CDK6: variants seen among roughly 807,000 people sequenced by gnomAD.
The protein encoded by CDK6 is cyclin dependent kinase 6, also known as cyclin-dependent kinase 6.
A neutral mutation model predicts 37.1 loss-of-function variants in CDK6; 6 were observed. The observed-to-expected ratio is 0.16, with a 90% CI of 0.09 to 0.32. The LOEUF is 0.32. Among genes scored for constraint, CDK6 ranks in the 10% least tolerant of loss-of-function variants. The pLI is 1.00. For synonymous variants in CDK6, 160 were observed against 161.3 expected (o/e 0.99, Z 0.06); for missense variants, 224 against 418.9 (o/e 0.53, Z 4.06).
intron 4 of CDK6, among the ~76,000 whole-genome samples, chr7:92,689,901 G>A (rs186036969): frequency 7.9e-5 from 12 of 152,018 alleles, no homozygotes; most frequent in Admixed American, 3.3e-4. Flanking sequence ...GCTTTTTTTC[G>A]TGATTGTTGG....
intron 3 of CDK6, among the ~76,000 whole-genome samples, chr7:92,738,668 A>G (rs1423683278): frequency 6.6e-6 from 1 of 152,138 alleles, no homozygotes; most frequent in Non-Finnish European, 1.5e-5. Flanking sequence ...TGGTATTACA[A>G]TAGGAATTGC....
Position 92,608,230 on chromosome 7 carries a change from T to C in CDK6, c.*6910A>G, listed in dbSNP as rs1022298079. ...ATGCCCCCTTTGAGAAAAACCTACA[T>C]TTGACAATCCAAACTCCTAAAATTG... is the stretch of plus-strand genomic sequence containing the variant. On this transcript the variant is annotated 3_prime_UTR_variant, in exon 8 of 8. Coordinates refer to ENST00000424848, the MANE Select transcript of CDK6 (RefSeq NM_001145306.2). The C allele has an allele frequency of 1.3e-5, 3 of 232,060 alleles. No homozygotes were observed. 14.4% of individuals were successfully genotyped at this position (232,060 alleles called of 1,614,324 possible).
In CDK6 at chr7:92,783,933, T is replaced by G. The variant is rs141152733; in HGVS notation, c.234-9102A>C. Among the ~76,000 whole-genome samples the G allele has an allele frequency of 2.6e-4, 39 of 152,278 alleles. No homozygotes were observed. The East Asian group carries it at 5.8e-3, about 23-fold the overall frequency. The stretch of plus-strand genomic sequence containing the variant: ...AAATAATAGAATTCAGCTTCTTCCA[T>G]AGTCCTACATACAGCAAGCACTACA... On this transcript the variant is annotated intron_variant, in intron 2 of 7. Transcript: ENST00000424848.
chr7:92,772,915 T>C (rs1307984913), intron 3 of CDK6, among the ~76,000 whole-genome samples: 4 of 152,178 alleles, frequency 2.6e-5, no homozygotes, highest in African/African-American at 9.7e-5. Context: ...TAATGTAAGA[T>C]ATAAAATATA....
rs1795419046 is a variant in CDK6 at position 92,606,001 on chromosome 7, CA to C, written c.*9138del. The C allele has an allele frequency of 4.3e-6, 1 of 233,532 alleles. No individual in the cohort carries two copies. Among genetic ancestry groups the C allele is most frequent in the Non-Finnish European group, 8.5e-6 (1 of 117,978 alleles). 14.5% of individuals were successfully genotyped at this position (233,532 alleles called of 1,614,324 possible). A position where few individuals can be genotyped will look rare whatever the true frequency, so the allele number is the denominator to read the frequency against. ...CTTGGGTCTGCAGAACTCAAAGCACCAAAACAGAGCATTCTGTAGCAATATA... is the reference window on the plus strand; with the variant it reads ...CTTGGGTCTGCAGAACTCAAAGCACCAAACAGAGCATTCTGTAGCAATATA... On this transcript the variant is annotated 3_prime_UTR_variant, in exon 8 of 8. Coordinates refer to ENST00000424848, the MANE Select transcript of CDK6 (RefSeq NM_001145306.2).
intron 4 of CDK6, among the ~76,000 whole-genome samples, chr7:92,720,071 A>G (rs554813264): frequency 1.2e-3 from 176 of 152,346 alleles, no homozygotes; most frequent in African/African-American, 4.1e-3. Flanking sequence ...ACAATGTGGC[A>G]AAAGTTTTAT....
intron 2 of CDK6, among the ~76,000 whole-genome samples, chr7:92,787,185 CAAAAAA>C (rs761038672): frequency 1.4e-4 from 5 of 35,464 alleles, no homozygotes; most frequent in Admixed American, 9.5e-4. Flanking sequence ...GACTCCATCA[CAAAAAA>C]AAAAAAAAAA....
intron 3 of CDK6, among the ~76,000 whole-genome samples, chr7:92,746,491 A>C (rs1799062541): frequency 6.6e-6 from 1 of 152,234 alleles, no homozygotes; most frequent in African/African-American, 2.4e-5. Flanking sequence ...AAGTATAAAT[A>C]TTGTATAAAA....
chr7:92,644,920 G>T (rs1796408098), intron 5 of CDK6, among the ~76,000 whole-genome samples: 2 of 152,182 alleles, frequency 1.3e-5, no homozygotes, highest in South Asian at 4.1e-4. Context: ...GCCTGGCGCT[G>T]CACTGACAGT....
chr7:92,825,621 C>G (rs1801292263), intron 2 of CDK6, among the ~76,000 whole-genome samples: 1 of 152,124 alleles, frequency 6.6e-6, no homozygotes, highest in Non-Finnish European at 1.5e-5. Flanking sequence ...AGACAAGGCT[C>G]AAATGAAATT....
At chr7:92,822,056 C>A (rs1801187013) in intron 2 of CDK6, among the ~76,000 whole-genome samples, 1 of 151,864 alleles carries the variant, frequency 6.6e-6, no homozygotes, top group Admixed American at 6.6e-5. Context: ...TAAAATATGA[C>A]TCTTTAGAAG....
intron 4 of CDK6, among the ~76,000 whole-genome samples, chr7:92,712,782 G>T (rs1328983693): frequency 6.6e-6 from 1 of 152,110 alleles, no homozygotes; most frequent in Non-Finnish European, 1.5e-5. Flanking sequence ...CATGACAGTG[G>T]ACAGTTTGGG....
At chr7:92,735,205 A>C (rs149346219) in intron 3 of CDK6, among the ~76,000 whole-genome samples, 146 of 152,352 alleles carry the variant, frequency 9.6e-4, no homozygotes, top group Non-Finnish European at 1.7e-3. Flanking sequence ...TCAGTTGATT[A>C]AGCAAGTTCC....
intron 5 of CDK6, among the ~76,000 whole-genome samples, chr7:92,663,985 C>A (rs1202444630): frequency 3.3e-5 from 5 of 151,682 alleles, no homozygotes; most frequent in African/African-American, 9.7e-5. Context: ...ACTAAAAATA[C>A]AAAAAATTAG....
intron 4 of CDK6, among the ~76,000 whole-genome samples, chr7:92,721,876 T>C (rs1287369960): frequency 6.6e-6 from 1 of 152,166 alleles, no homozygotes; most frequent in African/African-American, 2.4e-5. Context: ...GATCATAATA[T>C]AAAGGGTTAT....
chr7:92,678,349 A>G (rs958657627), intron 4 of CDK6, among the ~76,000 whole-genome samples: 1 of 152,328 alleles, frequency 6.6e-6, no homozygotes. Flanking sequence ...CTGGAACCAA[A>G]GCAAATACCA....
chr7:92,813,782 C>T (rs1389231806), intron 2 of CDK6, among the ~76,000 whole-genome samples: 1 of 152,096 alleles, frequency 6.6e-6, no homozygotes, highest in Admixed American at 6.5e-5. Flanking sequence ...GGGAAATGCC[C>T]CCTTAAAAAC....
Position 92,617,081 on chromosome 7 carries a change from A to G in CDK6, c.834+991T>C, listed in dbSNP as rs185043095. Among the ~76,000 whole-genome samples, 297 of 152,330 alleles carry G rather than the reference A, an allele frequency of 1.9e-3. 2 individuals carry two copies. The highest frequency in any genetic ancestry group is 6.6e-3 in the African/African-American group (273 of 41,568). On this transcript the variant is annotated intron_variant, in intron 7 of 7. Coordinates refer to ENST00000424848, the MANE Select transcript of CDK6 (RefSeq NM_001145306.2). ...ATCACAACTTAGTCAAGAGTTGGAT[A>G]CTATGGTAGATTGGATAACTTTTAG... is the stretch of plus-strand genomic sequence containing the variant.
chr7:92,670,317 T>C (rs1242789295), intron 5 of CDK6, among the ~76,000 whole-genome samples: 2 of 152,164 alleles, frequency 1.3e-5, no homozygotes, highest in African/African-American at 4.8e-5. Context: ...CACAGATGAA[T>C]TTGCTGAGTA....
Sources: gnomAD v4.1 joint callset for allele counts (sites outside exome capture counted in the v4.1 genomes callset) on GRCh38, gnomAD v4.1.1 for gene constraint, MANE v1.5 for transcripts, NCBI Gene and HGNC (gene_info 2026-07-23, HGNC 2026-07-21) for gene names.